GLS: variants seen among roughly 807,000 people sequenced by gnomAD.
The protein encoded by GLS is glutaminase.
In GLS, 36 loss-of-function variants were observed where a neutral mutation model predicts 86.7. That is an observed-to-expected ratio of 0.42 (90% confidence interval 0.32 to 0.55). The LOEUF is 0.55. Ranked by LOEUF, GLS falls within the 20% of genes least tolerant of loss-of-function variation. GLS has a pLI of 0.17. For missense variants in GLS, 528 were observed against 833.4 expected (o/e 0.63, Z 4.51); for synonymous variants, 317 against 305.9 (o/e 1.04, Z -0.38).
At position 190,951,692 on chromosome 2, in the gene GLS, G is replaced by A. The variant is rs928073554; in HGVS notation, c.1651-1873G>A. ...ATTAAAGGCCTGAAGAAAGTATGGCGGGAACCAACAAGAAAAAAAAATTGT... is the reference window on the plus strand; with the variant it reads ...ATTAAAGGCCTGAAGAAAGTATGGCAGGAACCAACAAGAAAAAAAAATTGT... On this transcript the variant is annotated intron_variant, in intron 14 of 17. Transcript: ENST00000320717. The surrounding 1 kb of genome is among the most constrained non-coding windows in gnomAD (Gnocchi z 4.2). Among the ~76,000 whole-genome samples, 5 of 151,912 alleles carry A rather than the reference G, an allele frequency of 3.3e-5. No individual in the cohort carries two copies. Among genetic ancestry groups the A allele is most frequent in the South Asian group, 2.1e-4 (1 of 4,826 alleles).
intron 4 of GLS, 133 bp from the exon 5 acceptor site, chr2:190,901,814 A>G: frequency 1.6e-6 from 1 of 638,310 alleles, no homozygotes; most frequent in South Asian, 1.9e-5. Context: ...AAGATAGACT[A>G]TGAAGCCACT....
At position 190,925,235 on chromosome 2, in the gene GLS, A is replaced by T. The variant is rs1470672792; in HGVS notation, c.1248+642A>T. On this transcript the variant is annotated intron_variant, in intron 11 of 17. Coordinates refer to ENST00000320717, the MANE Select transcript of GLS (RefSeq NM_014905.5). ...TTTATTTTTTATTTTTTTATTTTTT[A>T]AATCAGAGGGCTCTTATTCAGCATT... is the stretch of plus-strand genomic sequence containing the variant. Among the ~76,000 whole-genome samples the T allele has an allele frequency of 3.3e-5, 5 of 152,112 alleles. No homozygotes were observed. The East Asian group carries it at 9.6e-4, about 29-fold the overall frequency.
chr2:190,924,871 C>T lies in GLS; in HGVS notation c.1248+278C>T, dbSNP rs1006084075. On this transcript the variant is annotated intron_variant, in intron 11 of 17. Transcript: ENST00000320717. The surrounding 1 kb of genome is among the most constrained non-coding windows in gnomAD (Gnocchi z 5.2). Reference sequence around the variant, plus strand: ...CCGAGGTTGCAGTGAGCCGAGATCACGCCACTGCATTCCAGCCTGGCGACA... The same window carrying T: ...CCGAGGTTGCAGTGAGCCGAGATCATGCCACTGCATTCCAGCCTGGCGACA... 18 of 295,352 alleles carry T rather than the reference C, an allele frequency of 6.1e-5. No homozygotes were observed. The highest frequency in any genetic ancestry group is 3.8e-4 in the South Asian group (8 of 20,886). The allele number at this position is 295,352 out of a possible 1,614,324, so 18.3% of individuals were successfully genotyped here.
Position 190,964,774 on chromosome 2 carries a change from A to C in GLS, c.*1788A>C, listed in dbSNP as rs1398023780. ...TATCCCCAAAGATATTACAGGGTAG[A>C]CACGTTTTAACTGAAATCAATCAAG... On this transcript the variant is annotated 3_prime_UTR_variant, in exon 18 of 18. Transcript: ENST00000320717. This position sits in a 1 kb window ranked among gnomAD's most constrained non-coding sequence, Gnocchi z 5.2. 1 of 152,202 alleles carries C rather than the reference A, an allele frequency of 6.6e-6. No individual in the cohort carries two copies. Among genetic ancestry groups the C allele is most frequent in the Non-Finnish European group, 1.5e-5 (1 of 68,038 alleles). The allele number at this position is 152,202 out of a possible 1,614,324, so 9.4% of individuals were successfully genotyped here.
In GLS at chr2:190,881,287, T is replaced by G; in HGVS notation, c.203T>G (p.Leu68Arg). Residue 68 changes from leucine to arginine, a missense_variant, in exon 1 of 18, where the codon CTC becomes CGC. Coordinates refer to ENST00000320717, the MANE Select transcript of GLS (RefSeq NM_014905.5). The stretch of plus-strand genomic sequence containing the variant: ...GGGGGCGGCTGGCCGGCGGAGCCCC[T>G]CGCGCGGGGCCTGTCCAGCTCTCCT... ...WGGGGWPAEP[L>R]ARGLSSSPSE... The G allele has an allele frequency of 7.5e-7, 1 of 1,341,408 alleles. No individual in the cohort carries two copies. The highest frequency in any genetic ancestry group is 3.1e-5 in the East Asian group (1 of 32,058). The allele number at this position is 1,341,408 out of a possible 1,614,324, so 83.1% of individuals were successfully genotyped here. A position where few individuals can be genotyped will look rare whatever the true frequency, so the allele number is the denominator to read the frequency against.
At chr2:190,931,150 A>C (rs141273527) in intron 13 of GLS, among the ~76,000 whole-genome samples, 386 of 152,286 alleles carry the variant, frequency 2.5e-3, no homozygotes, top group Non-Finnish European at 4.7e-3. Context: ...TTTATTTTCC[A>C]GTCTTTTATA....
At chr2:190,961,687 C>CGTTTTTTT (rs1172048241) in intron 17 of GLS, among the ~76,000 whole-genome samples, 51 of 61,808 alleles carry the variant, frequency 8.3e-4, no homozygotes, top group African/African-American at 2.7e-3. Flanking sequence ...CTTAATTCAG[C>CGTTTTTTT]TGTTTTTTTT....
Position 190,880,914 on chromosome 2 carries a change from AGC to A in GLS, c.-170_-169del. The A allele has an allele frequency of 2.1e-6, 2 of 938,328 alleles. No individual in the cohort carries two copies. The highest frequency in any genetic ancestry group is 3.2e-6 in the Non-Finnish European group (2 of 622,656). 58.1% of individuals were successfully genotyped at this position (938,328 alleles called of 1,614,324 possible). ...CAGCAGCAGCAGCAGCAGCAGCAGC[AGC>A]AGCACCCGCATCCGCTGCGGGAGTC... On this transcript the variant is annotated 5_prime_UTR_variant, in exon 1 of 18. Coordinates refer to ENST00000320717, the MANE Select transcript of GLS (RefSeq NM_014905.5).
chr2:190,952,844 A>G (rs1223882037), intron 14 of GLS, among the ~76,000 whole-genome samples: 2 of 152,246 alleles, frequency 1.3e-5, no homozygotes, highest in African/African-American at 4.8e-5. Flanking sequence ...CCAAAATCCA[A>G]TGGCTTTTCA....
At chr2:190,889,393 T>A (rs1688493632) in intron 1 of GLS, among the ~76,000 whole-genome samples, 2 of 152,288 alleles carry the variant, frequency 1.3e-5, no homozygotes, top group South Asian at 2.1e-4. Flanking sequence ...GAATACTGCC[T>A]TCACAAGGGA....
At chr2:190,937,380 T>A (rs1418189695) in intron 14 of GLS, among the ~76,000 whole-genome samples, 1 of 151,342 alleles carries the variant, frequency 6.6e-6, no homozygotes, top group Non-Finnish European at 1.5e-5. Flanking sequence ...CACATGACTT[T>A]GAGAAATTTA....
Position 190,943,451 on chromosome 2 carries a change from A to G in GLS, c.1651-10114A>G, listed in dbSNP as rs765588197. 9.2e-5 allele frequency among the ~76,000 whole-genome samples: 14 copies of G among 152,202 alleles called. No homozygotes were observed. Among genetic ancestry groups the G allele is most frequent in the Non-Finnish European group, 1.6e-4 (11 of 68,014 alleles). On this transcript the variant is annotated intron_variant, in intron 14 of 17. Coordinates refer to ENST00000320717, the MANE Select transcript of GLS (RefSeq NM_014905.5). The surrounding 1 kb of genome is among the most constrained non-coding windows in gnomAD (Gnocchi z 4.5). ...AGTAGGAGAGGCTTCCACTAGGGAAAGGTGGCCAGAGAAGAGAAAATCCAG... is the reference window on the plus strand; with the variant it reads ...AGTAGGAGAGGCTTCCACTAGGGAAGGGTGGCCAGAGAAGAGAAAATCCAG...
intron 1 of GLS, among the ~76,000 whole-genome samples, chr2:190,883,964 C>T (rs1688292888): frequency 6.6e-6 from 1 of 152,162 alleles, no homozygotes; most frequent in South Asian, 2.1e-4. Context: ...TATGCTGTTT[C>T]CATCACGCAA....
At chr2:190,927,711 A>G (rs1574602141) in intron 12 of GLS, 1 of 396,946 alleles carries the variant, frequency 2.5e-6, no homozygotes, top group Non-Finnish European at 4.5e-6. Context: ...TTCTGCTTTT[A>G]AGGCAATCCA....
intron 14 of GLS, among the ~76,000 whole-genome samples, chr2:190,937,763 T>A (rs972067565): frequency 2.0e-5 from 3 of 150,904 alleles, no homozygotes; most frequent in Admixed American, 2.0e-4. Context: ...GGCTTCCTGA[T>A]CCATTAACCC....
At position 190,915,249 on chromosome 2, in the gene GLS, C is replaced by A. The variant is rs1438683478; in HGVS notation, c.1038+4928C>A. Among the ~76,000 whole-genome samples, 4 of 151,846 alleles carry A rather than the reference C, an allele frequency of 2.6e-5. No individual in the cohort carries two copies. In the East Asian group the frequency reaches 7.8e-4, roughly 29 times the overall value. On this transcript the variant is annotated intron_variant, in intron 7 of 17. Transcript: ENST00000320717. Reference sequence around the variant, plus strand: ...TCTCCTGACCTCATGATCTGCCTCCCTCAGCCTCCCAAAGTGCTGGGATTA... The same window carrying A: ...TCTCCTGACCTCATGATCTGCCTCCATCAGCCTCCCAAAGTGCTGGGATTA...
chr2:190,888,682 C>T (rs1195262345), intron 1 of GLS, among the ~76,000 whole-genome samples: 5 of 152,154 alleles, frequency 3.3e-5, no homozygotes, highest in African/African-American at 7.2e-5. Flanking sequence ...CTGTAGTTTG[C>T]GTAGCCCTAC....
chr2:190,944,253 T>G (rs1438271339), intron 14 of GLS, among the ~76,000 whole-genome samples: 9 of 152,274 alleles, frequency 5.9e-5, no homozygotes, highest in African/African-American at 2.2e-4. Flanking sequence ...CTTCCTGTCT[T>G]AAATTCGCTT....
At chr2:190,903,225 AT>A (rs1689011135) in intron 5 of GLS, among the ~76,000 whole-genome samples, 1 of 152,168 alleles carries the variant, frequency 6.6e-6, no homozygotes, top group Non-Finnish European at 1.5e-5. Context: ...TTTTTTACTA[AT>A]TATCCTCAAG....
Sources: gnomAD v4.1 joint callset for allele counts (sites outside exome capture counted in the v4.1 genomes callset) on GRCh38, gnomAD v4.1.1 for gene constraint, Gnocchi (gnomAD v3.1) non-coding constraint, MANE v1.5 for transcripts, NCBI Gene and HGNC (gene_info 2026-07-23, HGNC 2026-07-21) for gene names.